Variants in PMP22 observed in about 807,000 individuals in gnomAD.
PMP22 encodes the protein Charcot-Marie-Tooth neuropathy 1A (greatly reduced nerve conduction velocity, hereditary motor sensory neuropathy Ia).
PMP22 carries 2 observed loss-of-function variants against 18.9 expected under a neutral mutation model. That is an observed-to-expected ratio of 0.11 (90% CI 0.04 to 0.33). PMP22 has a LOEUF of 0.33. Ranked by LOEUF, PMP22 falls within the 10% of genes least tolerant of loss-of-function variation. PMP22 has a pLI of 1.00. For missense variants in PMP22, 169 were observed against 202.2 expected (o/e 0.84, Z 1.00); for synonymous variants, 95 against 89.2 (o/e 1.07, Z -0.37).
intron 3 of PMP22, among the ~76,000 whole-genome samples, chr17:15,245,711 A>C (rs1290950585): frequency 6.6e-6 from 1 of 152,140 alleles, no homozygotes; most frequent in Non-Finnish European, 1.5e-5. Flanking sequence ...AAGCAGTATG[A>C]AAATGGGAGC....
At chr17:15,235,626 G>GT (rs984258843) in intron 4 of PMP22, among the ~76,000 whole-genome samples, 20 of 152,212 alleles carry the variant, frequency 1.3e-4, no homozygotes, top group Non-Finnish European at 2.5e-4. Flanking sequence ...ATTAGGGACA[G>GT]TTTAATGGCT....
At chr17:15,250,140 A>C (rs946183531) in intron 3 of PMP22, among the ~76,000 whole-genome samples, 1 of 152,092 alleles carries the variant, frequency 6.6e-6, no homozygotes, top group Non-Finnish European at 1.5e-5. Context: ...GGATGGTCTC[A>C]ATCTCCTGAC....
intron 3 of PMP22, among the ~76,000 whole-genome samples, chr17:15,245,090 G>A (rs2150685394): frequency 6.6e-6 from 1 of 152,216 alleles, no homozygotes. Flanking sequence ...CACAAGGACA[G>A]CGAGAGGAAA....
intron 3 of PMP22, among the ~76,000 whole-genome samples, chr17:15,256,675 A>C (rs566823658): frequency 6.6e-6 from 1 of 152,184 alleles, no homozygotes; most frequent in Non-Finnish European, 1.5e-5. Context: ...TGATTACTTA[A>C]CAAGTATTTT....
intron 4 of PMP22, among the ~76,000 whole-genome samples, chr17:15,233,082 G>C (rs979923650): frequency 6.6e-6 from 1 of 152,206 alleles, no homozygotes; most frequent in Non-Finnish European, 1.5e-5. Context: ...TAGAGAAAAG[G>C]ATGATTCTTT....
chr17:15,243,836 C>T (rs1456673082), intron 3 of PMP22, among the ~76,000 whole-genome samples: 2 of 149,272 alleles, frequency 1.3e-5, no homozygotes. Context: ...ACATACAAAG[C>T]TTATATTTAT....
intron 3 of PMP22, among the ~76,000 whole-genome samples, chr17:15,257,829 A>G (rs1908971509): frequency 2.0e-5 from 3 of 152,232 alleles, no homozygotes; most frequent in South Asian, 4.1e-4. Context: ...AGGTAAAAAC[A>G]TAAAGCAGGG....
At chr17:15,247,658 G>A (rs1005162029) in intron 3 of PMP22, among the ~76,000 whole-genome samples, 7 of 152,192 alleles carry the variant, frequency 4.6e-5, no homozygotes, top group Admixed American at 6.5e-5. Context: ...CAGAAAGTAT[G>A]AAGCACTTTT....
chr17:15,250,824 TAAC>T (rs1194909422), intron 3 of PMP22, among the ~76,000 whole-genome samples: 1 of 152,210 alleles, frequency 6.6e-6, no homozygotes, highest in East Asian at 1.9e-4. Context: ...TTTGTATTCT[TAAC>T]ATCATTGTCA....
intron 3 of PMP22, among the ~76,000 whole-genome samples, chr17:15,249,229 C>G (rs1337878648): frequency 6.6e-6 from 1 of 152,166 alleles, no homozygotes; most frequent in Non-Finnish European, 1.5e-5. Flanking sequence ...CTTTTAGGAT[C>G]CCTCGATGCC....
intron 3 of PMP22, among the ~76,000 whole-genome samples, chr17:15,247,186 G>A (rs1351849676): frequency 3.3e-5 from 5 of 151,750 alleles, no homozygotes; most frequent in African/African-American, 9.7e-5. Flanking sequence ...TGGCTAACAC[G>A]GTGAAACCTC....
intron 4 of PMP22, among the ~76,000 whole-genome samples, chr17:15,231,582 A>G (rs950779982): frequency 3.3e-5 from 5 of 152,230 alleles, no homozygotes; most frequent in Non-Finnish European, 5.9e-5. Context: ...ACAGGGGCCT[A>G]TGGTCCCCCT....
At position 15,234,027 on chromosome 17, in the gene PMP22, A is replaced by G. The variant is rs147789547; in HGVS notation, c.320-2947T>C. On this transcript the variant is annotated intron_variant, in intron 4 of 4. Coordinates refer to ENST00000312280, the MANE Select transcript of PMP22 (RefSeq NM_000304.4). The stretch of plus-strand genomic sequence containing the variant: ...GATCACTCTGGCCATGGTGCAGAAA[A>G]TGGATTCAGGGGCAGGGACAAGGCA... Among the ~76,000 whole-genome samples, 249 of 152,326 alleles carry G rather than the reference A, an allele frequency of 1.6e-3. 1 individual carries two copies. The highest frequency in any genetic ancestry group is 5.8e-3 in the African/African-American group (243 of 41,578).
chr17:15,262,269 T>C (rs1000153375), intron 1 of PMP22, among the ~76,000 whole-genome samples: 10 of 152,238 alleles, frequency 6.6e-5, no homozygotes, highest in Middle Eastern at 3.4e-3. Context: ...CCAAGACCCA[T>C]TGGAGGGAAA....
chr17:15,233,719 A>G (rs1906552985), intron 4 of PMP22, among the ~76,000 whole-genome samples: 1 of 152,200 alleles, frequency 6.6e-6, no homozygotes, highest in Admixed American at 6.5e-5. Context: ...TACCTTAAGG[A>G]CTGTGTGTCT....
intron 3 of PMP22, among the ~76,000 whole-genome samples, chr17:15,254,647 G>C (rs1392240163): frequency 6.6e-6 from 1 of 152,130 alleles, no homozygotes; most frequent in Non-Finnish European, 1.5e-5. Flanking sequence ...TCAGAAGAGA[G>C]GTCTGGACTC....
chr17:15,263,454 C>A (rs1909497520), intron 1 of PMP22, among the ~76,000 whole-genome samples: 1 of 152,122 alleles, frequency 6.6e-6, no homozygotes, highest in East Asian at 1.9e-4. Context: ...CCCCTTCAGT[C>A]TCGGCTTGGC....
intron 3 of PMP22, among the ~76,000 whole-genome samples, chr17:15,255,519 G>C (rs959399974): frequency 1.3e-5 from 2 of 152,086 alleles, no homozygotes; most frequent in Admixed American, 1.3e-4. Context: ...CTGCATCTCT[G>C]ACAATTTCAT....
In PMP22 at chr17:15,258,921, C is replaced by A. The variant is rs931201994; in HGVS notation, c.178+173G>T. ...ATGCCCAGGATCTCAGCTTCCCCAG[C>A]GAGATCACCACCCCTCCCATTTTCC... On this transcript the variant is annotated intron_variant, in intron 3 of 4. Transcript: ENST00000312280. This position sits in a 1 kb window ranked among gnomAD's most constrained non-coding sequence, Gnocchi z 4.1. 2 of 676,338 alleles carry A rather than the reference C, an allele frequency of 3.0e-6. No individual in the cohort carries two copies. The highest frequency in any genetic ancestry group is 1.8e-5 in the African/African-American group (1 of 56,646). The allele number at this position is 676,338 out of a possible 1,614,324, so 41.9% of individuals were successfully genotyped here.
Sources: gnomAD v4.1 joint callset for allele counts (sites outside exome capture counted in the v4.1 genomes callset) on GRCh38, gnomAD v4.1.1 for gene constraint, Gnocchi (gnomAD v3.1) non-coding constraint, MANE v1.5 for transcripts, NCBI Gene and HGNC (gene_info 2026-07-23, HGNC 2026-07-21) for gene names.